Variants in TLL1 observed in about 807,000 individuals in gnomAD.
The protein encoded by TLL1 is tolloid-like protein 1.
A neutral mutation model predicts 128.2 loss-of-function variants in TLL1; 49 were observed. The ratio of observed to expected loss-of-function variants is 0.38; its 90% CI spans 0.30 to 0.48. The LOEUF (loss-of-function observed/expected upper bound fraction) is 0.48, where lower values mean the gene tolerates loss of function less well. Among genes scored for constraint, TLL1 ranks in the 20% least tolerant of loss-of-function variants. TLL1 has a pLI of 0.96. For missense variants in TLL1, 1,123 were observed against 1,242.0 expected (o/e 0.90, Z 1.44); for synonymous variants, 454 against 418.8 (o/e 1.08, Z -1.03).
chr4:166,031,146 T>C (rs1346110439), intron 9 of TLL1, among the ~76,000 whole-genome samples: 1 of 152,096 alleles, frequency 6.6e-6, no homozygotes, highest in East Asian at 1.9e-4. Context: ...ATACCTCTCA[T>C]GTAACAAAAT....
At chr4:165,945,110 T>A (rs1054214971) in intron 1 of TLL1, among the ~76,000 whole-genome samples, 8 of 152,030 alleles carry the variant, frequency 5.3e-5, no homozygotes, top group Admixed American at 4.6e-4. Context: ...AATAGACCGA[T>A]GAGGAATAGC....
intron 1 of TLL1, among the ~76,000 whole-genome samples, chr4:165,973,763 A>T (rs891818075): frequency 2.0e-5 from 3 of 151,434 alleles, no homozygotes; most frequent in African/African-American, 4.8e-5. Context: ...CCTCCCAGGT[A>T]CAAGTAATTC....
intron 11 of TLL1, among the ~76,000 whole-genome samples, chr4:166,042,838 A>G (rs547783963): frequency 3.3e-5 from 5 of 152,278 alleles, no homozygotes; most frequent in Middle Eastern, 3.4e-3. Context: ...GGAGTCACGG[A>G]CGCTGCGCAC....
Position 165,874,074 on chromosome 4 carries a change from G to C in TLL1, c.169+1G>C. 1 of 1,614,108 alleles carries C rather than the reference G, an allele frequency of 6.2e-7. No homozygotes were observed. Among genetic ancestry groups the C allele is most frequent in the Non-Finnish European group, 8.5e-7 (1 of 1,179,978 alleles). ...GATTACAAGGACCCGTGTAAAGCCGGTAAGTGGCTCTCCAGGTTGGGACGG... is the reference window on the plus strand; with the variant it reads ...GATTACAAGGACCCGTGTAAAGCCGCTAAGTGGCTCTCCAGGTTGGGACGG... On this transcript the variant is annotated splice_donor_variant, in intron 1 of 20. Coordinates refer to ENST00000061240, the MANE Select transcript of TLL1 (RefSeq NM_012464.5). LOFTEE classifies it high-confidence loss of function.
chr4:165,917,703 G>A (rs973011779), intron 1 of TLL1, among the ~76,000 whole-genome samples: 3 of 152,058 alleles, frequency 2.0e-5, no homozygotes, highest in African/African-American at 7.2e-5. Context: ...CAAAGCATGA[G>A]TCATCTACAA....
intron 1 of TLL1, among the ~76,000 whole-genome samples, chr4:165,979,311 AT>A (rs556698135): frequency 8.4e-4 from 128 of 152,284 alleles, no homozygotes; most frequent in African/African-American, 3.0e-3. Context: ...TAAATGTTAT[AT>A]TCGTATAAAA....
intron 1 of TLL1, among the ~76,000 whole-genome samples, chr4:165,910,846 A>G (rs1474227029): frequency 6.6e-6 from 1 of 152,214 alleles, no homozygotes; most frequent in African/African-American, 2.4e-5. Context: ...CCATGATTAT[A>G]TAGCTGCCAA....
intron 1 of TLL1, among the ~76,000 whole-genome samples, chr4:165,962,641 C>CAGT (rs1301965595): frequency 6.6e-6 from 1 of 152,082 alleles, no homozygotes; most frequent in East Asian, 1.9e-4. Context: ...GCACTATTTA[C>CAGT]AGTAGCAAGG....
intron 1 of TLL1, among the ~76,000 whole-genome samples, chr4:165,974,131 A>ATTT (rs1735759298): frequency 9.3e-5 from 5 of 53,876 alleles, no homozygotes; most frequent in South Asian, 5.2e-4. Flanking sequence ...CCTGGACCTC[A>ATTT]TCTTTTTTTT....
intron 1 of TLL1, among the ~76,000 whole-genome samples, chr4:165,902,855 G>C (rs12506813): frequency 0.31 from 46,573 of 152,006 alleles, 7,491 homozygotes; most frequent in East Asian, 0.51. Flanking sequence ...AAATGAATCA[G>C]ACTTAGATGT....
Position 165,995,061 on chromosome 4 carries a change from G to A in TLL1, c.515G>A (p.Gly172Asp). ...CATTAACATCACACATTTTTTCTAG[G>A]CAGCCAGAGAGCCATGTTCAAGCAG... ...IPYVIGGNFTGSQRAMFKQAM... is the reference protein window; with the variant it reads ...IPYVIGGNFTDSQRAMFKQAM... The change falls in exon 5 of 21, where the codon GGC becomes GAC. Residue 172 changes from glycine (G) to aspartate (D), a missense_variant and splice_region_variant. Around this residue, in one of 3 missense-constraint regions of TLL1, gnomAD observed 480 missense variants for 542.4 expected, o/e 0.89. Transcript: ENST00000061240. The A allele has an allele frequency of 1.2e-6, 2 of 1,612,912 alleles. No homozygotes were observed. Among genetic ancestry groups the A allele is most frequent in the South Asian group, 1.1e-5 (1 of 90,984 alleles).
intron 1 of TLL1, among the ~76,000 whole-genome samples, chr4:165,910,716 T>C (rs1337463022): frequency 1.3e-5 from 2 of 152,218 alleles, no homozygotes; most frequent in Non-Finnish European, 2.9e-5. Context: ...AGTAATTTAA[T>C]AAAACAATGC....
At chr4:165,913,887 G>A (rs1338176128) in intron 1 of TLL1, among the ~76,000 whole-genome samples, 1 of 152,034 alleles carries the variant, frequency 6.6e-6, no homozygotes, top group Non-Finnish European at 1.5e-5. Flanking sequence ...TGGGTGGTGT[G>A]TACCTGTAGT....
At chr4:166,086,492 G>A (rs1741521832) in intron 18 of TLL1, among the ~76,000 whole-genome samples, 1 of 152,056 alleles carries the variant, frequency 6.6e-6, no homozygotes, top group Non-Finnish European at 1.5e-5. Flanking sequence ...CAAGGTGGTT[G>A]CAATTGTATG....
rs929564547 is a variant in TLL1, at chr4:165,994,415, A to G, written c.396A>G (p.Val132=). ...LEQNNTVKGK[V]PLQFSGQNEK... ...AAAACAACACAGTTAAGGGAAAAGT[A>G]CCTCTACAATTCTCAGGGCAAAATG... The change falls in exon 4 of 21, where the codon GTA becomes GTG. Residue 132 remains valine (V), a synonymous_variant. Transcript: ENST00000061240. The G allele has an allele frequency of 1.2e-6, 2 of 1,614,046 alleles. No individual in the cohort carries two copies. Among genetic ancestry groups the G allele is most frequent in the Non-Finnish European group, 1.7e-6 (2 of 1,179,940 alleles).
chr4:166,069,177 A>G (rs966567257), intron 16 of TLL1, among the ~76,000 whole-genome samples: 1 of 151,818 alleles, frequency 6.6e-6, no homozygotes, highest in Non-Finnish European at 1.5e-5. Context: ...AAGTGTATTT[A>G]ATTGAGTTAA....
At chr4:165,945,953 G>A (rs193012566) in intron 1 of TLL1, among the ~76,000 whole-genome samples, 1 of 152,236 alleles carries the variant, frequency 6.6e-6, no homozygotes, top group East Asian at 1.9e-4. Flanking sequence ...ATCACATAAA[G>A]CTCTTAAAAG....
intron 1 of TLL1, among the ~76,000 whole-genome samples, chr4:165,982,451 G>T (rs2110998567): frequency 6.6e-6 from 1 of 152,018 alleles, no homozygotes; most frequent in East Asian, 1.9e-4. Flanking sequence ...GTTTCAGAGA[G>T]TCAGTGAGTT....
chr4:165,897,300 C>G (rs1210204795), intron 1 of TLL1, among the ~76,000 whole-genome samples: 1 of 152,122 alleles, frequency 6.6e-6, no homozygotes, highest in Non-Finnish European at 1.5e-5. Context: ...AAGTCTTTCC[C>G]CATGCCTATG....
Sources: allele counts gnomAD v4.1 joint callset (sites outside exome capture counted in the v4.1 genomes callset), GRCh38; gene constraint gnomAD v4.1.1; regional missense constraint gnomAD v4.1.1; transcripts MANE v1.5; gene names NCBI Gene and HGNC (gene_info 2026-07-23, HGNC 2026-07-21).